Variants in RPF2 observed in about 807,000 individuals in gnomAD.
RPF2 encodes the protein ribosome production factor 2 homolog.
RPF2 carries 21 observed loss-of-function variants against 38.9 expected under a neutral mutation model. The observed-to-expected ratio is 0.54, with a 90% confidence interval of 0.38 to 0.78. The LOEUF (loss-of-function observed/expected upper bound fraction) is 0.78, where lower values mean the gene tolerates loss of function less well. RPF2 is among the 30% of genes least tolerant of loss of function. RPF2 has a pLI of 0.00. For missense variants in RPF2, 314 were observed against 358.1 expected (o/e 0.88, Z 0.99); for synonymous variants, 121 against 126.2 (o/e 0.96, Z 0.28).
At chr6:111,004,864 C>T (rs977604322) in intron 6 of RPF2, among the ~76,000 whole-genome samples, 15 of 152,208 alleles carry the variant, frequency 9.9e-5, no homozygotes, top group East Asian at 1.9e-4. Flanking sequence ...CCACCACGCC[C>T]GGCCAAATAT....
intron 2 of RPF2, among the ~76,000 whole-genome samples, chr6:110,987,650 A>G (rs560481192): frequency 2.7e-4 from 41 of 152,344 alleles, no homozygotes; most frequent in African/African-American, 9.6e-4. Context: ...GAAACAGGGA[A>G]ATAGTTGGCC....
At chr6:111,005,069 T>C (rs12215675) in intron 6 of RPF2, among the ~76,000 whole-genome samples, 19,633 of 152,122 alleles carry the variant, frequency 0.13, 1,745 homozygotes, top group East Asian at 0.49. Context: ...ACTGGCGTGG[T>C]TGAAGCATGG....
intron 1 of RPF2, 147 bp from the exon 2 acceptor site, chr6:110,984,856 AAAC>A: frequency 1.1e-6 from 1 of 919,558 alleles, no homozygotes; most frequent in Non-Finnish European, 1.6e-6. Context: ...AAACAAAAAA[AAAC>A]AAACAAAAAA....
intron 2 of RPF2, among the ~76,000 whole-genome samples, chr6:110,986,643 T>C (rs762287171): frequency 6.6e-6 from 1 of 152,142 alleles, no homozygotes. Context: ...TCAATATATA[T>C]GTAATCTATG....
At chr6:110,989,944 T>C (rs1160844301) in intron 3 of RPF2, among the ~76,000 whole-genome samples, 1 of 146,342 alleles carries the variant, frequency 6.8e-6, no homozygotes, top group Non-Finnish European at 1.5e-5. Flanking sequence ...TTCTTTCTTT[T>C]CTTTTTTTTT....
At chr6:111,003,651 G>A (rs112678022) in intron 6 of RPF2, among the ~76,000 whole-genome samples, 3,961 of 152,144 alleles carry the variant, frequency 0.026, 112 homozygotes, top group African/African-American at 0.075. Context: ...GTGAGACCCC[G>A]TCTCTACAAA....
At chr6:111,018,182 C>G (rs539827611) in intron 8 of RPF2, among the ~76,000 whole-genome samples, 370 of 123,314 alleles carry the variant, frequency 3.0e-3, no homozygotes, top group Non-Finnish European at 4.7e-3. Flanking sequence ...AGCTTCGGCT[C>G]GGCATCAGGG....
At position 111,024,333 on chromosome 6, in the gene RPF2, T is replaced by TA; in HGVS notation, c.741+8dup. ...AAATGCCAAAAGCTCTCAAGGTATA[T>TA]AACTTAGAGCTTGGTACCACATTTA... is the stretch of plus-strand genomic sequence containing the variant. On this transcript the variant is annotated splice_region_variant and intron_variant, in intron 9 of 9. Transcript: ENST00000441448. The TA allele has an allele frequency of 6.3e-7, 1 of 1,596,578 alleles. No homozygotes were observed. Among genetic ancestry groups the TA allele is most frequent in the Non-Finnish European group, 8.5e-7 (1 of 1,174,784 alleles).
At chr6:111,018,137 G>A (rs1772163131) in intron 8 of RPF2, among the ~76,000 whole-genome samples, 1 of 151,442 alleles carries the variant, frequency 6.6e-6, no homozygotes, top group African/African-American at 2.4e-5. Context: ...CAGGCAGGGA[G>A]GTTGCAGTGA....
Position 111,008,018 on chromosome 6 carries a change from C to T in RPF2, c.394-20C>T, listed in dbSNP as rs1204286425. The stretch of plus-strand genomic sequence containing the variant: ...TTAGACTTTGGTAATTATATAATTG[C>T]TTTTTTTTTTTTTTTTTAGAACAGT... On this transcript the variant is annotated intron_variant, in intron 6 of 9. Coordinates refer to ENST00000441448, the MANE Select transcript of RPF2 (RefSeq NM_032194.3). 331 of 1,425,010 alleles carry T rather than the reference C, an allele frequency of 2.3e-4. No individual in the cohort carries two copies. Among genetic ancestry groups the T allele is most frequent in the Non-Finnish European group, 2.9e-4 (318 of 1,079,776 alleles). 88.3% of individuals were successfully genotyped at this position (1,425,010 alleles called of 1,614,324 possible). A position where few individuals can be genotyped will look rare whatever the true frequency, so the allele number is the denominator to read the frequency against.
intron 6 of RPF2, 113 bp from the exon 7 acceptor site, chr6:111,007,925 T>G: frequency 1.7e-6 from 2 of 1,196,464 alleles, no homozygotes; most frequent in South Asian, 2.0e-5. Flanking sequence ...CCAGCCTGGA[T>G]GACAGAGTGA....
chr6:110,994,408 G>T (rs748953124), intron 4 of RPF2, among the ~76,000 whole-genome samples: 3 of 152,008 alleles, frequency 2.0e-5, no homozygotes, highest in Non-Finnish European at 4.4e-5. Context: ...AACATATTGA[G>T]ATCCCATCTC....
In RPF2 at chr6:111,023,349, A is replaced by G. The variant is rs186163027; in HGVS notation, c.597-834A>G. Reference sequence around the variant, plus strand: ...TCACTTCAATGTAAGGAAGTTAGTAAATGTCTGTGCTATGAGGAAAAGTTG... The same window carrying G: ...TCACTTCAATGTAAGGAAGTTAGTAGATGTCTGTGCTATGAGGAAAAGTTG... On this transcript the variant is annotated intron_variant, in intron 8 of 9. Transcript: ENST00000441448. Among the ~76,000 whole-genome samples, 487 of 152,328 alleles carry G rather than the reference A, an allele frequency of 3.2e-3. 1 individual carries two copies. Among genetic ancestry groups the G allele is most frequent in the South Asian group, 8.1e-3 (39 of 4,824 alleles).
intron 8 of RPF2, among the ~76,000 whole-genome samples, chr6:111,022,799 G>A (rs1162104845): frequency 6.6e-6 from 1 of 152,196 alleles, no homozygotes; most frequent in African/African-American, 2.4e-5. Flanking sequence ...GCCATGAGCT[G>A]TTTTGAATTG....
At chr6:111,016,683 C>CTT (rs1397812113) in intron 8 of RPF2, among the ~76,000 whole-genome samples, 19,833 of 104,504 alleles carry the variant, frequency 0.19, 1,660 homozygotes, top group South Asian at 0.33. Context: ...TTTTTTTTTT[C>CTT]TTTCTTTTTT....
At chr6:111,018,143 A>G (rs769756729) in intron 8 of RPF2, among the ~76,000 whole-genome samples, 17 of 136,658 alleles carry the variant, frequency 1.2e-4, no homozygotes, top group Non-Finnish European at 2.2e-4. Flanking sequence ...GGGAGGTTGC[A>G]GTGAGCGGAG....
chr6:110,992,766 T>C lies in RPF2; in HGVS notation c.234+980T>C, dbSNP rs9400446. ...AATGGACTTTCAGTATGTGATGATA[T>C]TGGTTTCTTCCTTAAGAAAATCATC... On this transcript the variant is annotated intron_variant, in intron 4 of 9. Transcript: ENST00000441448. Among the ~76,000 whole-genome samples the C allele has an allele frequency of 1.0e-2, 1,522 of 152,218 alleles. 137 individuals are homozygous for C. The East Asian group carries it at 0.22, about 22-fold the overall frequency.
intron 1 of RPF2, among the ~76,000 whole-genome samples, chr6:110,983,983 C>T (rs908814266): frequency 3.0e-4 from 45 of 152,010 alleles, no homozygotes; most frequent in African/African-American, 9.4e-4. Context: ...GAGCCGAGAT[C>T]GCACCACTGC....
intron 4 of RPF2, among the ~76,000 whole-genome samples, chr6:110,994,389 A>C (rs1012476627): frequency 2.6e-5 from 4 of 152,120 alleles, no homozygotes; most frequent in Admixed American, 2.0e-4. Flanking sequence ...TTTCTAGACC[A>C]GCCTAGGCAA....
Sources: gnomAD v4.1 joint callset for allele counts (sites outside exome capture counted in the v4.1 genomes callset) on GRCh38, gnomAD v4.1.1 for gene constraint, MANE v1.5 for transcripts, NCBI Gene and HGNC (gene_info 2026-07-23, HGNC 2026-07-21) for gene names.